FAF1: variants seen among roughly 807,000 people sequenced by gnomAD.
FAF1 encodes Fas associated factor 1.
In FAF1, 25 loss-of-function variants were observed where a neutral mutation model predicts 92.5. The ratio of observed to expected loss-of-function variants is 0.27; its 90% CI spans 0.20 to 0.38. The LOEUF is 0.38. FAF1 is among the 10% of genes least tolerant of loss of function. The pLI is 1.00. For synonymous variants in FAF1, 234 were observed against 273.2 expected (o/e 0.86, Z 1.42); for missense variants, 636 against 793.3 (o/e 0.80, Z 2.38).
At chr1:50,819,622 CGACT>C (rs1414887224) in intron 2 of FAF1, among the ~76,000 whole-genome samples, 3 of 119,030 alleles carry the variant, frequency 2.5e-5, no homozygotes, top group East Asian at 4.4e-4. Flanking sequence ...CAAGACTGAC[CGACT>C]GACTGACTCA....
intron 7 of FAF1, among the ~76,000 whole-genome samples, chr1:50,663,090 AAACAT>A (rs1431260162): frequency 1.3e-5 from 2 of 151,856 alleles, no homozygotes; most frequent in Non-Finnish European, 2.9e-5. Flanking sequence ...GAGAAAAGCT[AAACAT>A]ATTTCACAAA....
chr1:50,714,579 C>T lies in FAF1; in HGVS notation c.552-8688G>A, dbSNP rs575398752. On this transcript the variant is annotated intron_variant, in intron 6 of 18. Coordinates refer to ENST00000396153, the MANE Select transcript of FAF1 (RefSeq NM_007051.3). ...CTCCACATCTTCATGAACCCTCAGA[C>T]GCTGGAGCTGGGTATCAGTTTTTTA... Among the ~76,000 whole-genome samples the T allele has an allele frequency of 9.2e-5, 14 of 152,116 alleles. No homozygotes were observed. The South Asian group carries it at 2.5e-3, about 27-fold the overall frequency.
intron 2 of FAF1, among the ~76,000 whole-genome samples, chr1:50,817,862 TAAAC>T (rs1643993335): frequency 6.6e-6 from 1 of 152,090 alleles, no homozygotes. Flanking sequence ...AATAAAGCTG[TAAAC>T]AAAGAATATT....
chr1:50,948,375 C>T (rs761001795), intron 1 of FAF1, among the ~76,000 whole-genome samples: 9 of 152,294 alleles, frequency 5.9e-5, no homozygotes, highest in Admixed American at 1.3e-4. Context: ...CATCCGCTAG[C>T]TTCTGGTGAG....
chr1:50,900,001 G>A (rs921925902), intron 1 of FAF1, among the ~76,000 whole-genome samples: 2 of 152,124 alleles, frequency 1.3e-5, no homozygotes, highest in African/African-American at 4.8e-5. Context: ...TTGTGTGAGT[G>A]CTAGAGATAT....
intron 6 of FAF1, among the ~76,000 whole-genome samples, chr1:50,735,337 A>C (rs1659093911): frequency 6.6e-6 from 1 of 152,156 alleles, no homozygotes. Flanking sequence ...TTTCTTTTTT[A>C]AAAGGGCTTA....
intron 1 of FAF1, among the ~76,000 whole-genome samples, chr1:50,872,568 C>T (rs547708978): frequency 2.6e-5 from 4 of 152,240 alleles, no homozygotes; most frequent in Non-Finnish European, 4.4e-5. Flanking sequence ...AGAGGATTGA[C>T]TCCAATTTTG....
At chr1:50,660,504 T>C (rs560967806) in intron 7 of FAF1, among the ~76,000 whole-genome samples, 4 of 152,076 alleles carry the variant, frequency 2.6e-5, no homozygotes, top group South Asian at 4.2e-4. Context: ...TTCTTTCTTT[T>C]TTTTTTTTTC....
chr1:50,827,615 G>A (rs985607567), intron 2 of FAF1, among the ~76,000 whole-genome samples: 1 of 151,180 alleles, frequency 6.6e-6, no homozygotes, highest in Non-Finnish European at 1.5e-5. Flanking sequence ...AAACACCCAA[G>A]AATGATCAAT....
chr1:50,845,713 A>G (rs1248742284), intron 2 of FAF1, among the ~76,000 whole-genome samples: 1 of 152,142 alleles, frequency 6.6e-6, no homozygotes, highest in Non-Finnish European at 1.5e-5. Flanking sequence ...ACAATATGTG[A>G]ATCCCTTCTA....
chr1:50,722,100 T>C (rs1557493349), intron 6 of FAF1, among the ~76,000 whole-genome samples: 1 of 152,200 alleles, frequency 6.6e-6, no homozygotes, highest in East Asian at 1.9e-4. Flanking sequence ...CAAAAATACT[T>C]AGCCACAGGA....
At chr1:50,715,616 C>T (rs1017409807) in intron 6 of FAF1, among the ~76,000 whole-genome samples, 2 of 152,106 alleles carry the variant, frequency 1.3e-5, no homozygotes, top group Non-Finnish European at 2.9e-5. Context: ...CTTCTTTGTC[C>T]ACAAGTCTTA....
chr1:50,655,498 T>C lies in FAF1; in HGVS notation c.688A>G (p.Ile230Val). The change falls in exon 8 of 19, where the codon ATC (isoleucine) becomes GTC (valine). Residue 230 changes from isoleucine to valine, a missense_variant. Around this residue, in one of 2 missense-constraint regions of FAF1, gnomAD observed 317 missense variants for 342.4 expected, o/e 0.93. Coordinates refer to ENST00000396153, the MANE Select transcript of FAF1 (RefSeq NM_007051.3). ...TCCCATAATTGGTGGCGAACGGGGATACTTGTAAGGTCATACACATTTCTC... is the reference window on the plus strand; with the variant it reads ...TCCCATAATTGGTGGCGAACGGGGACACTTGTAAGGTCATACACATTTCTC... ...VKRNVYDLTS[I>V]PVRHQLWEGW... 2 of 1,613,272 alleles carry C rather than the reference T, an allele frequency of 1.2e-6. No homozygotes were observed. Among genetic ancestry groups the C allele is most frequent in the South Asian group, 1.1e-5 (1 of 91,058 alleles).
Position 50,592,460 on chromosome 1 carries a change from G to C in FAF1, c.840+3661C>G, listed in dbSNP as rs1446091203. 3.3e-5 allele frequency among the ~76,000 whole-genome samples: 5 copies of C among 152,162 alleles called. No individual in the cohort carries two copies. The South Asian group carries it at 6.2e-4, about 19-fold the overall frequency. On this transcript the variant is annotated intron_variant, in intron 9 of 18. Coordinates refer to ENST00000396153, the MANE Select transcript of FAF1 (RefSeq NM_007051.3). ...CATTAAACGGGGGCTCAGGAACAAG[G>C]GGAGGATGAGAAGAAAAAATATTAA...
intron 1 of FAF1, among the ~76,000 whole-genome samples, chr1:50,864,395 T>G (rs954912312): frequency 6.6e-6 from 1 of 152,020 alleles, no homozygotes; most frequent in Admixed American, 6.6e-5. Context: ...GAGATTCTGG[T>G]ATGTTGTGTC....
At chr1:50,582,128 T>C (rs1047403921) in intron 12 of FAF1, among the ~76,000 whole-genome samples, 3 of 152,158 alleles carry the variant, frequency 2.0e-5, no homozygotes, top group South Asian at 4.2e-4. Context: ...AATAATCATT[T>C]TGGGAAAAGA....
At chr1:50,568,783 G>T (rs1453583107) in intron 12 of FAF1, among the ~76,000 whole-genome samples, 1 of 152,060 alleles carries the variant, frequency 6.6e-6, no homozygotes, top group Non-Finnish European at 1.5e-5. Flanking sequence ...AGTGGTAGCA[G>T]GGAAATCAAC....
intron 18 of FAF1, among the ~76,000 whole-genome samples, chr1:50,449,739 C>T (rs1454619295): frequency 2.6e-5 from 4 of 151,538 alleles, no homozygotes; most frequent in African/African-American, 9.7e-5. Context: ...CTGCCCGCCT[C>T]GGCCTCCCAA....
intron 6 of FAF1, among the ~76,000 whole-genome samples, chr1:50,717,333 G>A (rs1658218152): frequency 6.6e-6 from 1 of 152,280 alleles, no homozygotes; most frequent in South Asian, 2.1e-4. Flanking sequence ...TGCAATTAGT[G>A]TTCTTATAAG....
Sources: allele counts gnomAD v4.1 joint callset (sites outside exome capture counted in the v4.1 genomes callset), GRCh38; gene constraint gnomAD v4.1.1; regional missense constraint gnomAD v4.1.1; transcripts MANE v1.5; gene names NCBI Gene and HGNC (gene_info 2026-07-23, HGNC 2026-07-21).